KIF16B: variants seen among roughly 807,000 people sequenced by gnomAD.
KIF16B encodes the protein kinesin-like protein KIF16B.
Under a neutral mutation model 156.3 loss-of-function variants are expected in KIF16B, and 98 were observed. The ratio of observed to expected loss-of-function variants is 0.63; its 90% confidence interval spans 0.53 to 0.74. The LOEUF (loss-of-function observed/expected upper bound fraction) is 0.74, where lower values mean the gene tolerates loss of function less well. Ranked by LOEUF, KIF16B falls within the 30% of genes least tolerant of loss-of-function variation. The pLI, the probability that KIF16B is intolerant of heterozygous loss-of-function variation, is 0.00. For missense variants in KIF16B, 1,421 were observed against 1,606.5 expected (o/e 0.88, Z 1.97); for synonymous variants, 564 against 583.7 (o/e 0.97, Z 0.49).
Position 16,438,892 on chromosome 20 carries a change from C to T in KIF16B, c.1303-8910G>A, listed in dbSNP as rs138509944. Among the ~76,000 whole-genome samples, 613 of 152,230 alleles carry T rather than the reference C, an allele frequency of 4.0e-3. 3 individuals are homozygous for T. Among genetic ancestry groups the T allele is most frequent in the Non-Finnish European group, 6.9e-3 (472 of 67,996 alleles). Reference sequence around the variant, plus strand: ...TAATATGTAATCCTTCAGGTAAGGGCTCTATTAATTATGTTCTATGAATCA... The same window carrying T: ...TAATATGTAATCCTTCAGGTAAGGGTTCTATTAATTATGTTCTATGAATCA... On this transcript the variant is annotated intron_variant, in intron 12 of 25. Coordinates refer to ENST00000354981, the MANE Select transcript of KIF16B (RefSeq NM_024704.5).
chr20:16,453,626 A>T (rs2067141663), intron 12 of KIF16B, among the ~76,000 whole-genome samples: 1 of 152,220 alleles, frequency 6.6e-6, no homozygotes. Context: ...GATCAAAAAC[A>T]CAAATGGAAA....
At chr20:16,570,596 A>G (rs149266345) in intron 1 of KIF16B, among the ~76,000 whole-genome samples, 20 of 152,320 alleles carry the variant, frequency 1.3e-4, no homozygotes, top group African/African-American at 4.6e-4. Flanking sequence ...GCCAATTTAT[A>G]TATCTCTTTC....
intron 25 of KIF16B, among the ~76,000 whole-genome samples, chr20:16,281,319 G>GT (rs1196983217): frequency 6.6e-6 from 1 of 152,126 alleles, no homozygotes; most frequent in African/African-American, 2.4e-5. Flanking sequence ...TTAAAGACAA[G>GT]TATCAGTCTA....
At chr20:16,305,772 C>A (rs2063532494) in intron 25 of KIF16B, among the ~76,000 whole-genome samples, 1 of 152,148 alleles carries the variant, frequency 6.6e-6, no homozygotes, top group Non-Finnish European at 1.5e-5. Context: ...TGAGAACATG[C>A]AATATTTGTC....
chr20:16,475,822 C>T (rs1042588298), intron 12 of KIF16B, among the ~76,000 whole-genome samples: 1 of 152,138 alleles, frequency 6.6e-6, no homozygotes, highest in African/African-American at 2.4e-5. Context: ...TTTTCAAAAA[C>T]CTTTTAGCTG....
At chr20:16,551,955 A>G (rs1005072419) in intron 1 of KIF16B, among the ~76,000 whole-genome samples, 17 of 152,172 alleles carry the variant, frequency 1.1e-4, no homozygotes. Flanking sequence ...GGGGGCGCGG[A>G]GCTAACATAT....
chr20:16,372,994 G>A (rs1406632610), intron 20 of KIF16B, among the ~76,000 whole-genome samples: 1 of 152,130 alleles, frequency 6.6e-6, no homozygotes, highest in African/African-American at 2.4e-5. Flanking sequence ...CACCATGCCC[G>A]GCCGGATGGA....
chr20:16,295,443 T>G (rs1157962016), intron 25 of KIF16B, among the ~76,000 whole-genome samples: 3 of 151,610 alleles, frequency 2.0e-5, no homozygotes, highest in Admixed American at 6.6e-5. Flanking sequence ...ATCTATAATC[T>G]ATATAGCTAT....
At chr20:16,338,888 A>C (rs2064089682) in intron 23 of KIF16B, among the ~76,000 whole-genome samples, 1 of 152,124 alleles carries the variant, frequency 6.6e-6, no homozygotes, top group South Asian at 2.1e-4. Flanking sequence ...ACCTCTCTCC[A>C]TCCTCTCAGC....
intron 12 of KIF16B, among the ~76,000 whole-genome samples, chr20:16,453,666 G>A (rs377620343): frequency 6.6e-6 from 1 of 152,178 alleles, no homozygotes. Flanking sequence ...CATATTTCAC[G>A]GAAAAGGAAA....
intron 25 of KIF16B, among the ~76,000 whole-genome samples, chr20:16,283,646 T>C (rs2063179925): frequency 6.6e-6 from 1 of 152,176 alleles, no homozygotes; most frequent in Non-Finnish European, 1.5e-5. Context: ...CTATATCAGT[T>C]TTCTACAGCT....
At chr20:16,381,268 T>C (rs529704983) in intron 18 of KIF16B, among the ~76,000 whole-genome samples, 1 of 148,552 alleles carries the variant, frequency 6.7e-6, no homozygotes, top group African/African-American at 2.6e-5. Flanking sequence ...GAAATACAAA[T>C]GGCCAAACAA....
intron 17 of KIF16B, among the ~76,000 whole-genome samples, chr20:16,396,273 C>T (rs1483187457): frequency 6.6e-6 from 1 of 152,048 alleles, no homozygotes; most frequent in Non-Finnish European, 1.5e-5. Context: ...GAGTTTGATC[C>T]CGAAACCATC....
rs767202445 is a variant in KIF16B at position 16,508,079 on chromosome 20, T to A, written c.578A>T (p.Gln193Leu). Residue 193 changes from glutamine to leucine, a missense_variant, in exon 7 of 26, where the codon CAG becomes CTG. By Grantham distance (113) the Gln-to-Leu change is moderately radical. Coordinates refer to ENST00000354981, the MANE Select transcript of KIF16B (RefSeq NM_024704.5). ...YVEDLSKHLV[Q>L]NYGDVEELMD... Reference sequence around the variant, plus strand: ...AAGTTCTTCTACGTCACCATAATTCTGTACTAAATGTTTGGATAAATCTGA... The same window carrying A: ...AAGTTCTTCTACGTCACCATAATTCAGTACTAAATGTTTGGATAAATCTGA... The A allele has an allele frequency of 2.5e-6, 4 of 1,614,092 alleles. No individual in the cohort carries two copies. The highest frequency in any genetic ancestry group is 3.4e-6 in the Non-Finnish European group (4 of 1,179,970).
chr20:16,494,235 A>AAT, intron 12 of KIF16B, 56 bp downstream of exon 12: 1 of 1,001,832 alleles, frequency 1.0e-6, no homozygotes, highest in Non-Finnish European at 1.5e-6. Flanking sequence ...AAAAAAAAAA[A>AAT]GTTTTACCAG....
chr20:16,551,115 G>A (rs1185061145), intron 1 of KIF16B, among the ~76,000 whole-genome samples: 1 of 148,976 alleles, frequency 6.7e-6, no homozygotes, highest in African/African-American at 2.5e-5. Context: ...GAAACCACCA[G>A]TGAGGGGCTT....
intron 1 of KIF16B, among the ~76,000 whole-genome samples, chr20:16,571,481 C>G (rs2071448476): frequency 6.6e-6 from 1 of 152,214 alleles, no homozygotes; most frequent in Non-Finnish European, 1.5e-5. Flanking sequence ...GCACTGAACT[C>G]ACAGTTCCTG....
rs1032256359 is a variant in KIF16B, at chr20:16,545,990, GA to G, written c.48-17551del. 1.2e-4 allele frequency among the ~76,000 whole-genome samples: 18 copies of G among 152,230 alleles called. 1 individual carries two copies. The highest frequency in any genetic ancestry group is 4.3e-4 in the African/African-American group (18 of 41,542). On this transcript the variant is annotated intron_variant, in intron 1 of 25. Coordinates refer to ENST00000354981, the MANE Select transcript of KIF16B (RefSeq NM_024704.5). ...AGCTAAATGCCATATACCAGCTAGG[GA>G]AGGGATACTGGTATAATTCAAACTA...
At chr20:16,443,944 T>C (rs555954059) in intron 12 of KIF16B, among the ~76,000 whole-genome samples, 32 of 152,288 alleles carry the variant, frequency 2.1e-4, no homozygotes, top group African/African-American at 7.2e-4. Context: ...GGTCCATTAA[T>C]AGAAAAGCAG....
Sources: gnomAD v4.1 joint callset for allele counts (sites outside exome capture counted in the v4.1 genomes callset) on GRCh38, gnomAD v4.1.1 for gene constraint, MANE v1.5 for transcripts, NCBI Gene and HGNC (gene_info 2026-07-23, HGNC 2026-07-21) for gene names.